Variants in ACAD10 observed in about 807,000 individuals in gnomAD.
ACAD10 encodes ACAD-10.
Under a neutral mutation model 116.8 loss-of-function variants are expected in ACAD10, and 112 were observed. The observed-to-expected ratio is 0.96, with a 90% CI of 0.82 to 1.12. The LOEUF is 1.12. Among genes scored for constraint, ACAD10 ranks in the 50% most tolerant of loss-of-function variants. The probability of loss-of-function intolerance (pLI) is 0.00; values close to 1 mark genes in which losing one functional copy is unlikely to be tolerated. For synonymous variants in ACAD10, 486 were observed against 510.6 expected (o/e 0.95, Z 0.65); for missense variants, 1,259 against 1,350.2 (o/e 0.93, Z 1.06).
chr12:111,716,031 GA>G lies in ACAD10; in HGVS notation c.992+73del, dbSNP rs555981641. On this transcript the variant is annotated intron_variant, in intron 7 of 20. Transcript: ENST00000313698. ...CTGTGCACAAGCTCAGCCCTAAACT[GA>G]AAAGTCAGCACTCCATAAAAATACC... 5,058 of 1,588,544 alleles carry G rather than the reference GA, an allele frequency of 3.2e-3. 10 individuals are homozygous for G. Among genetic ancestry groups the G allele is most frequent in the Non-Finnish European group, 4.0e-3 (4,670 of 1,164,656 alleles).
chr12:111,709,791 CCT>C (rs1306516445), intron 5 of ACAD10, 107 bp downstream of exon 5: 21 of 1,221,326 alleles, frequency 1.7e-5, no homozygotes, highest in African/African-American at 9.3e-5. Context: ...AGGGTTTCCC[CCT>C]GTGTTTCCAT....
At chr12:111,755,629 C>T (rs370867260) in intron 19 of ACAD10, 39 bp from the exon 20 acceptor site, 12 of 1,546,812 alleles carry the variant, frequency 7.8e-6, no homozygotes, top group Admixed American at 3.4e-5. Flanking sequence ...CCCAGGCTGC[C>T]CTCGGGTCTT....
intron 14 of ACAD10, among the ~76,000 whole-genome samples, chr12:111,746,636 C>T (rs1889906851): frequency 6.6e-6 from 1 of 152,164 alleles, no homozygotes; most frequent in African/African-American, 2.4e-5. Context: ...GATCCACCTA[C>T]CCTGGCCCCA....
At chr12:111,737,448 A>G (rs1889601800) in intron 12 of ACAD10, among the ~76,000 whole-genome samples, 1 of 152,164 alleles carries the variant, frequency 6.6e-6, no homozygotes, top group South Asian at 2.1e-4. Context: ...TGGCCTCCCA[A>G]AGTGCTGGGA....
chr12:111,704,651 GATAAT>G (rs1221115904), intron 3 of ACAD10, among the ~76,000 whole-genome samples: 2 of 150,866 alleles, frequency 1.3e-5, no homozygotes, highest in Non-Finnish European at 1.5e-5. Context: ...TTTGAAATGT[GATAAT>G]ATAAGAGTTT....
chr12:111,746,125 C>T lies in ACAD10; in HGVS notation c.2116-19C>T. The stretch of plus-strand genomic sequence containing the variant: ...GAAATCTTCCACTGTGGTTTCCTGA[C>T]TTATTTTCCCCATGATAGGAGAAAG... On this transcript the variant is annotated intron_variant, in intron 13 of 20. Coordinates refer to ENST00000313698, the MANE Select transcript of ACAD10 (RefSeq NM_025247.6). 1.2e-6 allele frequency: 2 copies of T among 1,602,338 alleles called. No individual in the cohort carries two copies. The highest frequency in any genetic ancestry group is 2.7e-5 in the African/African-American group (2 of 74,022).
intron 16 of ACAD10, 134 bp from the exon 17 acceptor site, chr12:111,748,183 C>T (rs1889969750): frequency 8.9e-7 from 1 of 1,119,624 alleles, no homozygotes; most frequent in South Asian, 1.5e-5. Context: ...TGCAGATGCT[C>T]ATCTGATTAC....
chr12:111,700,574 G>C (rs1194776113), intron 2 of ACAD10, among the ~76,000 whole-genome samples: 1 of 151,990 alleles, frequency 6.6e-6, no homozygotes, highest in Non-Finnish European at 1.5e-5. Flanking sequence ...TGCCAACTCC[G>C]AGACTGTGAA....
At position 111,755,703 on chromosome 12, in the gene ACAD10, C is replaced by T. The variant is rs754140571; in HGVS notation, c.2997C>T (p.Val999=). The T allele has an allele frequency of 2.5e-6, 4 of 1,613,696 alleles. No homozygotes were observed. The highest frequency in any genetic ancestry group is 2.7e-5 in the African/African-American group (2 of 74,870). The change falls in exon 20 of 21, where the codon GTC becomes GTT. Residue 999 remains valine, a synonymous_variant. Transcript: ENST00000313698. ...TGGATATAGCCATGATTAAAATGGT[C>T]GCCCCGTCCATGGCCTCCCGAGTGA... ...AALDIAMIKM[V]APSMASRVID...
chr12:111,755,189 G>C (rs77674370), intron 19 of ACAD10, among the ~76,000 whole-genome samples: 2 of 152,160 alleles, frequency 1.3e-5, no homozygotes, highest in Non-Finnish European at 2.9e-5. Context: ...TGCAACCTCC[G>C]CCTCCCGGGT....
intron 2 of ACAD10, among the ~76,000 whole-genome samples, chr12:111,697,375 T>G (rs1888218128): frequency 1.3e-5 from 2 of 150,854 alleles, no homozygotes; most frequent in Non-Finnish European, 3.0e-5. Context: ...TTTTTTTTTT[T>G]TTTGAGACAG....
At chr12:111,735,828 A>G (rs539778651) in intron 11 of ACAD10, among the ~76,000 whole-genome samples, 25 of 151,552 alleles carry the variant, frequency 1.6e-4, no homozygotes, top group African/African-American at 6.1e-4. Flanking sequence ...ATATTTATTT[A>G]TTTATTTGTT....
chr12:111,738,941 A>G (rs1197708425), intron 12 of ACAD10, among the ~76,000 whole-genome samples: 1 of 136,784 alleles, frequency 7.3e-6, no homozygotes, highest in Non-Finnish European at 1.5e-5. Context: ...AGTCTCATTG[A>G]TGACCTCAGA....
At chr12:111,711,452 G>A (rs764907780) in intron 5 of ACAD10, among the ~76,000 whole-genome samples, 1 of 150,764 alleles carries the variant, frequency 6.6e-6, no homozygotes, top group African/African-American at 2.4e-5. Flanking sequence ...CTCGTGATAC[G>A]CCTGCCTCGG....
intron 1 of ACAD10, among the ~76,000 whole-genome samples, chr12:111,687,292 G>A (rs532746479): frequency 6.6e-6 from 1 of 152,232 alleles, no homozygotes; most frequent in East Asian, 1.9e-4. Flanking sequence ...GTTTCCATAT[G>A]CCCTGTTTAA....
rs781740591 is a variant in ACAD10, at chr12:111,749,306, C to A, written c.2778C>A (p.Ile926=). 1 of 1,613,894 alleles carries A rather than the reference C, an allele frequency of 6.2e-7. No homozygotes were observed. The highest frequency in any genetic ancestry group is 1.1e-5 in the South Asian group (1 of 91,072). Residue 926 remains isoleucine (I), a synonymous_variant, in exon 18 of 21, where the codon ATC becomes ATA. Transcript: ENST00000313698. ...PGRIHHCMRL[I]GFSERALALM... is the part of the protein sequence containing the mutation. ...GGATCCATCACTGCATGAGGCTGAT[C>A]GGGTTCTCAGAGAGGGCCCTGGCAC...
At chr12:111,707,475 C>T (rs576777927) in intron 4 of ACAD10, among the ~76,000 whole-genome samples, 2 of 152,246 alleles carry the variant, frequency 1.3e-5, no homozygotes, top group Middle Eastern at 3.4e-3. Context: ...CTCCAAAGCC[C>T]AGATTGGCAG....
rs1344500583 is a variant in ACAD10, at chr12:111,729,974, G to C, written c.1394+18G>C. On this transcript the variant is annotated intron_variant, in intron 10 of 20. Coordinates refer to ENST00000313698, the MANE Select transcript of ACAD10 (RefSeq NM_025247.6). ...GACTTCAGGTAGATGTGGTGGCAGG[G>C]AGAGCTGAAAAATGACAGCAAGGAT... 1.9e-6 allele frequency: 3 copies of C among 1,610,458 alleles called. No homozygotes were observed. In the African/African-American group the frequency reaches 4.0e-5, roughly 22 times the overall value.
At chr12:111,748,689 T>G in intron 17 of ACAD10, 1 of 643,744 alleles carries the variant, frequency 1.6e-6, no homozygotes, top group East Asian at 2.9e-5. Context: ...TTTTCCCTCT[T>G]CTAAACTTAG....
Sources: gnomAD v4.1 joint callset for allele counts (sites outside exome capture counted in the v4.1 genomes callset) on GRCh38, gnomAD v4.1.1 for gene constraint, MANE v1.5 for transcripts, NCBI Gene and HGNC (gene_info 2026-07-23, HGNC 2026-07-21) for gene names.